Variants in BCAS1 observed in about 807,000 individuals in gnomAD.
BCAS1 encodes breast carcinoma-amplified sequence 1.
BCAS1 carries 46 observed loss-of-function variants against 65.4 expected under a neutral mutation model. That is an observed-to-expected ratio of 0.70 (90% CI 0.55 to 0.90). The LOEUF is 0.90. BCAS1 is among the 40% of genes least tolerant of loss of function. The pLI is 0.00. For missense variants in BCAS1, 793 were observed against 771.2 expected (o/e 1.03, Z -0.33); for synonymous variants, 298 against 293.5 (o/e 1.02, Z -0.16).
intron 3 of BCAS1, among the ~76,000 whole-genome samples, chr20:54,055,894 T>C (rs1488056105): frequency 6.6e-6 from 1 of 152,164 alleles, no homozygotes; most frequent in Admixed American, 6.5e-5. Flanking sequence ...TGAAACAACA[T>C]GGATGAACCT....
intron 12 of BCAS1, 96 bp downstream of exon 12, chr20:53,953,336 T>C (rs2089588853): frequency 1.4e-6 from 2 of 1,466,426 alleles, no homozygotes; most frequent in Non-Finnish European, 1.9e-6. Flanking sequence ...GATCCCAGTG[T>C]GAAGAGCCAC....
In BCAS1 at chr20:53,991,342, T is replaced by C. The variant is rs534619536; in HGVS notation, c.1062+1170A>G. Among the ~76,000 whole-genome samples, 6 of 152,322 alleles carry C rather than the reference T, an allele frequency of 3.9e-5. No homozygotes were observed. In the South Asian group the frequency reaches 1.2e-3, roughly 32 times the overall value. On this transcript the variant is annotated intron_variant, in intron 7 of 12. Transcript: ENST00000688948. Reference sequence around the variant, plus strand: ...CTTCACAGAACAAAATTATCCTGTATGGAAATTGAAAGGTGGCTTCATAAC... The same window carrying C: ...CTTCACAGAACAAAATTATCCTGTACGGAAATTGAAAGGTGGCTTCATAAC...
At chr20:53,946,769 A>T (rs971543211) in intron 12 of BCAS1, among the ~76,000 whole-genome samples, 24 of 151,556 alleles carry the variant, frequency 1.6e-4, no homozygotes, top group Admixed American at 5.3e-4. Context: ...ATATAGTATG[A>T]TATATACAGA....
intron 4 of BCAS1, among the ~76,000 whole-genome samples, chr20:54,021,360 G>A (rs2146036606): frequency 6.8e-6 from 1 of 147,186 alleles, no homozygotes; most frequent in Non-Finnish European, 1.5e-5. Context: ...GTTCTCCACT[G>A]TCCTGGAGTC....
Position 53,944,977 on chromosome 20 carries a change from T to C in BCAS1, c.1835A>G (p.Asp612Gly). The C allele has an allele frequency of 1.2e-6, 2 of 1,614,128 alleles. No individual in the cohort carries two copies. Among genetic ancestry groups the C allele is most frequent in the Non-Finnish European group, 1.7e-6 (2 of 1,180,024 alleles). Residue 612 changes from aspartate (D) to glycine (G), a missense_variant, in exon 13 of 13, where the codon GAT becomes GGT. By Grantham distance (94) the Asp-to-Gly change is moderately conservative. Coordinates refer to ENST00000688948, the MANE Select transcript of BCAS1 (RefSeq NM_001366298.2). ...FKGLGPKRML[D>G]AQVQTDPVSI... ...TACTGGGTCTGTTTGCACTTGAGCA[T>C]CCAACATCCGCTTTGGTCCCTGGAG... is the stretch of plus-strand genomic sequence containing the variant.
intron 6 of BCAS1, among the ~76,000 whole-genome samples, chr20:53,993,861 T>C (rs1051164163): frequency 6.6e-5 from 10 of 152,168 alleles, no homozygotes; most frequent in Non-Finnish European, 1.5e-4. Flanking sequence ...AGAAATACAA[T>C]ACAAATGTAG....
rs1348498467 is a variant in BCAS1, at chr20:53,943,685, C to T, written c.*1237G>A. On this transcript the variant is annotated 3_prime_UTR_variant, in exon 13 of 13. Coordinates refer to ENST00000688948, the MANE Select transcript of BCAS1 (RefSeq NM_001366298.2). The stretch of plus-strand genomic sequence containing the variant: ...CTTTGTACAGGTATTAAAAACAACT[C>T]AGGTATTTGAGAAGTCTTCTGTAAA... 1 of 151,800 alleles carries T rather than the reference C, an allele frequency of 6.6e-6. No individual in the cohort carries two copies. The highest frequency in any genetic ancestry group is 2.4e-5 in the African/African-American group (1 of 41,396). The allele number at this position is 151,800 out of a possible 1,614,324, so 9.4% of individuals were successfully genotyped here.
chr20:54,065,441 C>T (rs923160410), intron 1 of BCAS1, among the ~76,000 whole-genome samples: 3 of 152,210 alleles, frequency 2.0e-5, no homozygotes, highest in African/African-American at 7.2e-5. Flanking sequence ...TGCCTGCATG[C>T]AGTTTTGATA....
chr20:53,976,082 T>C (rs2090326287), intron 8 of BCAS1, among the ~76,000 whole-genome samples: 1 of 152,230 alleles, frequency 6.6e-6, no homozygotes, highest in Admixed American at 6.5e-5. Context: ...AACACCGTTT[T>C]ACTCCCAGGA....
At chr20:54,045,287 C>G (rs1411370663) in intron 3 of BCAS1, among the ~76,000 whole-genome samples, 1 of 150,354 alleles carries the variant, frequency 6.7e-6, no homozygotes, top group Non-Finnish European at 1.5e-5. Flanking sequence ...AAGAAAAAAA[C>G]TGAATGCCCA....
chr20:54,058,731 GGAGAGAAAGAGAGGAA>G lies in BCAS1; in HGVS notation c.-5-24_-5-9del, dbSNP rs769797648. On this transcript the variant is annotated splice_polypyrimidine_tract_variant and intron_variant, in intron 1 of 12. Coordinates refer to ENST00000688948, the MANE Select transcript of BCAS1 (RefSeq NM_001366298.2). ...TTTGGTTACCCATTGCTCCTATAAT[GGAGAGAAAGAGAGGAA>G]GAGAGAAAGAAATCAAAACCAAACG... The G allele has an allele frequency of 1.7e-5, 27 of 1,603,802 alleles. No individual in the cohort carries two copies. The highest frequency in any genetic ancestry group is 6.7e-5 in the African/African-American group (5 of 74,160).
chr20:54,055,891 A>C (rs979246637), intron 3 of BCAS1, among the ~76,000 whole-genome samples: 2 of 152,228 alleles, frequency 1.3e-5, no homozygotes, highest in Admixed American at 6.5e-5. Context: ...ATTTGAAACA[A>C]CATGGATGAA....
intron 4 of BCAS1, among the ~76,000 whole-genome samples, chr20:54,008,621 A>G (rs547446577): frequency 5.4e-4 from 83 of 152,358 alleles, no homozygotes; most frequent in Non-Finnish European, 6.6e-4. Flanking sequence ...TGTCCGGGAC[A>G]GCCAGCTAAA....
Position 53,963,416 on chromosome 20 carries a change from G to A in BCAS1, c.1485+3490C>T, listed in dbSNP as rs1387718881. Among the ~76,000 whole-genome samples, 4 of 151,984 alleles carry A rather than the reference G, an allele frequency of 2.6e-5. 1 individual carries two copies. The highest frequency in any genetic ancestry group is 1.3e-4 in the Admixed American group (2 of 15,266). On this transcript the variant is annotated intron_variant, in intron 10 of 12. Coordinates refer to ENST00000688948, the MANE Select transcript of BCAS1 (RefSeq NM_001366298.2). ...GACTCACTTGAACTCGGGAGGCAGA[G>A]GTTGCAGCGGGCAGAGATTGTGCCA...
Position 54,028,607 on chromosome 20 carries a change from G to A in BCAS1, c.508C>T (p.Pro170Ser). ...QDKVLSAARD[P>S]TLLPPETGGA... is the part of the protein sequence containing the mutation. ...CCTGTCTCAGGTGGGAGAAGCGTGG[G>A]ATCCCTGGCGGCAGAGAGGACCTTG... Residue 170 changes from proline (P) to serine (S), a missense_variant, in exon 4 of 13, where the codon CCC becomes TCC. Pro to Ser is a moderately conservative substitution (Grantham distance 74, BLOSUM62 -1). Transcript: ENST00000688948. 6.2e-7 allele frequency: 1 copy of A among 1,614,200 alleles called. No homozygotes were observed. Among genetic ancestry groups the A allele is most frequent in the Non-Finnish European group, 8.5e-7 (1 of 1,180,038 alleles).
chr20:54,058,019 T>G, intron 3 of BCAS1, 66 bp downstream of exon 3: 2 of 1,150,304 alleles, frequency 1.7e-6, no homozygotes, highest in Non-Finnish European at 2.6e-6. Flanking sequence ...TTTTTCACCG[T>G]AAACAGCATC....
chr20:53,961,689 G>A (rs760298118), intron 10 of BCAS1, among the ~76,000 whole-genome samples: 18 of 152,102 alleles, frequency 1.2e-4, no homozygotes, highest in Non-Finnish European at 8.8e-5. Context: ...TTCTACCTTC[G>A]TATCCTTTCT....
chr20:53,995,851 G>T, intron 5 of BCAS1, 41 bp downstream of exon 5: 1 of 1,535,824 alleles, frequency 6.5e-7, no homozygotes, highest in South Asian at 1.3e-5. Context: ...CAAAACTTTT[G>T]AGCAATAGAG....
At chr20:53,956,357 A>G (rs978395796) in intron 11 of BCAS1, among the ~76,000 whole-genome samples, 6 of 152,238 alleles carry the variant, frequency 3.9e-5, no homozygotes, top group Admixed American at 6.5e-5. Context: ...AGTCCTCACC[A>G]GGAACCAAAC....
Sources: allele counts gnomAD v4.1 joint callset (sites outside exome capture counted in the v4.1 genomes callset), GRCh38; gene constraint gnomAD v4.1.1; transcripts MANE v1.5; gene names NCBI Gene and HGNC (gene_info 2026-07-23, HGNC 2026-07-21).